DUSP18: variants seen among roughly 807,000 people sequenced by gnomAD.
DUSP18 encodes the protein dual specificity phosphatase 18.
A neutral mutation model predicts 6.3 loss-of-function variants in DUSP18; 4 were observed. The observed-to-expected ratio is 0.63, with a 90% CI of 0.31 to 1.45. The LOEUF (loss-of-function observed/expected upper bound fraction) is 1.45. DUSP18 is among the 40% of genes most tolerant of loss of function. The probability of loss-of-function intolerance (pLI) is 0.07; values close to 1 mark genes in which losing one functional copy is unlikely to be tolerated. For synonymous variants in DUSP18, 96 were observed against 95.1 expected (o/e 1.01, Z -0.05); for missense variants, 235 against 247.7 (o/e 0.95, Z 0.34).
At chr22:30,653,621 C>G (rs914014949) in intron 2 of DUSP18, among the ~76,000 whole-genome samples, 2 of 151,988 alleles carry the variant, frequency 1.3e-5, no homozygotes, top group African/African-American at 2.4e-5. Context: ...GACCCGCCCC[C>G]CCTCGGCCTC....
At chr22:30,657,023 A>C (rs2088351013), downstream of DUSP18, among the ~76,000 whole-genome samples, 1 of 152,228 alleles carries the variant, frequency 6.6e-6, no homozygotes, top group Non-Finnish European at 1.5e-5. Context: ...CAACTATGAA[A>C]AAAATGCTCA....
Position 30,663,881 on chromosome 22 carries a change from C to T in DUSP18, c.123G>A (p.Leu41=). ...NGVAANNKLM[L]SSNQITMVIN... is the part of the protein sequence containing the mutation. ...TGACCATGGTGATCTGGTTGCTAGA[C>T]AGCATGAGCTTGTTGTTGGCGGCCA... The change falls in exon 2 of 2, where the codon CTG becomes CTA. Residue 41 remains leucine (L), a synonymous_variant. Coordinates refer to ENST00000334679, the MANE Select transcript of DUSP18 (RefSeq NM_152511.5). 1.2e-6 allele frequency: 2 copies of T among 1,614,224 alleles called. No individual in the cohort carries two copies. The highest frequency in any genetic ancestry group is 1.3e-5 in the African/African-American group (1 of 75,048).
chr22:30,657,728 C>G (rs1226450652), downstream of DUSP18, among the ~76,000 whole-genome samples: 1 of 150,808 alleles, frequency 6.6e-6, no homozygotes, highest in Non-Finnish European at 1.5e-5. Flanking sequence ...CACGGTGAAA[C>G]CCCATCTCTA....
At chr22:30,660,569 A>G (rs1446036374), downstream of DUSP18, among the ~76,000 whole-genome samples, 2 of 152,264 alleles carry the variant, frequency 1.3e-5, no homozygotes, top group Non-Finnish European at 2.9e-5. Context: ...AGTACAGGAC[A>G]GTATGGTACA....
intron 2 of DUSP18, among the ~76,000 whole-genome samples, chr22:30,656,375 C>T (rs557582933): frequency 1.1e-4 from 17 of 152,224 alleles, no homozygotes; most frequent in African/African-American, 3.9e-4. Context: ...ATTAGATCGC[C>T]ATCTCAACAG....
downstream of DUSP18, among the ~76,000 whole-genome samples, chr22:30,658,927 G>A (rs1342917944): frequency 6.6e-6 from 1 of 151,936 alleles, no homozygotes; most frequent in Non-Finnish European, 1.5e-5. Context: ...GGTGGATCAC[G>A]AGATCAGGAG....
At chr22:30,660,781 ATAGT>A (rs2088441918), downstream of DUSP18, among the ~76,000 whole-genome samples, 1 of 152,198 alleles carries the variant, frequency 6.6e-6, no homozygotes, top group Non-Finnish European at 1.5e-5. Flanking sequence ...TTGGGAAACA[ATAGT>A]TAGAATGCCT....
intron 2 of DUSP18, among the ~76,000 whole-genome samples, chr22:30,653,506 G>A (rs1364766960): frequency 6.6e-6 from 1 of 152,002 alleles, no homozygotes; most frequent in African/African-American, 2.4e-5. Context: ...TGAGTAGGTG[G>A]AACTACAGGT....
intron 2 of DUSP18, chr22:30,654,033 G>A (rs1416327918): frequency 1.3e-5 from 2 of 157,414 alleles, no homozygotes; most frequent in Non-Finnish European, 2.8e-5. Flanking sequence ...AGGCTGGAGT[G>A]CAGTGGCGCG....
intron 2 of DUSP18, chr22:30,654,174 C>T: frequency 4.0e-6 from 1 of 249,090 alleles, no homozygotes; most frequent in Non-Finnish European, 7.9e-6. Flanking sequence ...TTAGTAGAGA[C>T]TGGGTTTCAC....
chr22:30,663,413 C>T lies in DUSP18; in HGVS notation c.*24G>A. ...AACAATAGATCTGTACCTCTGACTC[C>T]AATGCAGGGGCTCGTGGGATGGCTC... On this transcript the variant is annotated 3_prime_UTR_variant, in exon 2 of 2. Coordinates refer to ENST00000334679, the MANE Select transcript of DUSP18 (RefSeq NM_152511.5). 1 of 1,587,922 alleles carries T rather than the reference C, an allele frequency of 6.3e-7. No individual in the cohort carries two copies. Among genetic ancestry groups the T allele is most frequent in the South Asian group, 1.1e-5 (1 of 87,628 alleles).
chr22:30,654,593 TG>T, intron 2 of DUSP18: 1 of 462,894 alleles, frequency 2.2e-6, no homozygotes. Context: ...GACCCGGAAG[TG>T]GTGGGGGCCC....
downstream of DUSP18, among the ~76,000 whole-genome samples, chr22:30,660,548 A>G (rs766315092): frequency 1.8e-4 from 28 of 152,326 alleles, no homozygotes; most frequent in Admixed American, 3.9e-4. Flanking sequence ...TCATGTTATC[A>G]ATGACACAGA....
At position 30,663,896 on chromosome 22, in the gene DUSP18, G is replaced by A. The variant is rs2088562383; in HGVS notation, c.108C>T (p.Asn36=). Residue 36 remains asparagine, a synonymous_variant, in exon 2 of 2, where the codon AAC becomes AAT. Transcript: ENST00000334679. The part of the protein sequence containing the change: ...SLYISNGVAA[N]NKLMLSSNQI... ...GGTTGCTAGACAGCATGAGCTTGTT[G>A]TTGGCGGCCACACCATTGCTGATAT... The A allele has an allele frequency of 1.2e-6, 2 of 1,614,232 alleles. No individual in the cohort carries two copies. The highest frequency in any genetic ancestry group is 1.7e-6 in the Non-Finnish European group (2 of 1,180,040).
chr22:30,652,619 T>A (rs1158231555), intron 2 of DUSP18, among the ~76,000 whole-genome samples: 1 of 152,228 alleles, frequency 6.6e-6, no homozygotes, highest in African/African-American at 2.4e-5. Flanking sequence ...TCAGTCACAA[T>A]TTTGCAAAGG....
At chr22:30,667,420 G>C (rs2088716721) in intron 1 of DUSP18, 42 bp downstream of exon 1, 1 of 152,220 alleles carries the variant, frequency 6.6e-6, no homozygotes, top group Non-Finnish European at 1.5e-5. Flanking sequence ...CATTGGAATA[G>C]GCTTCTTCGC....
In DUSP18 at chr22:30,664,004, CA is replaced by C. The variant is rs1440953114; in HGVS notation, c.-2del. The C allele has an allele frequency of 4.3e-6, 7 of 1,610,652 alleles. No homozygotes were observed. The Admixed American group carries it at 1.2e-4, about 27-fold the overall frequency. On this transcript the variant is annotated 5_prime_UTR_variant, in exon 2 of 2. Transcript: ENST00000334679. ...GGAAGGCACACGAGGGTGCTGTCAT[CA>C]AGGCGGTGGGTCAGTGGTCAGCAGT... is the stretch of plus-strand genomic sequence containing the variant.
intron 1 of DUSP18, among the ~76,000 whole-genome samples, chr22:30,666,048 G>T (rs1277262125): frequency 6.6e-6 from 1 of 152,166 alleles, no homozygotes; most frequent in Non-Finnish European, 1.5e-5. Flanking sequence ...CTCATTCCCG[G>T]AAGGACAGAG....
intron 2 of DUSP18, among the ~76,000 whole-genome samples, chr22:30,655,269 A>C (rs2088311925): frequency 6.6e-6 from 1 of 150,862 alleles, no homozygotes; most frequent in African/African-American, 2.4e-5. Flanking sequence ...CCATCTGGAC[A>C]ACATAGCAAA....
Sources: gnomAD v4.1 joint callset for allele counts (sites outside exome capture counted in the v4.1 genomes callset) on GRCh38, gnomAD v4.1.1 for gene constraint, MANE v1.5 for transcripts, NCBI Gene and HGNC (gene_info 2026-07-23, HGNC 2026-07-21) for gene names.